The following LGR5 variants were observed in gnomAD, a reference collection of about 807,000 sequenced individuals.
LGR5 encodes the protein leucine-rich repeat-containing G protein-coupled receptor 5.
A neutral mutation model predicts 76.7 loss-of-function variants in LGR5; 54 were observed. That is an observed-to-expected ratio of 0.70 (90% CI 0.57 to 0.88). LGR5 has a LOEUF of 0.88. Ranked by LOEUF, LGR5 falls within the 40% of genes least tolerant of loss-of-function variation. The pLI is 0.00. For missense variants in LGR5, 1,078 were observed against 1,073.3 expected, an observed-to-expected ratio of 1.00 and a Z score of -0.06; for synonymous variants, 406 against 421.9, an observed-to-expected ratio of 0.96 and a Z score of 0.46.
intron 1 of LGR5, among the ~76,000 whole-genome samples, chr12:71,469,160 G>A (rs1872983541): frequency 6.6e-6 from 1 of 152,146 alleles, no homozygotes; most frequent in Admixed American, 6.5e-5. Flanking sequence ...TTTTGCCATT[G>A]GTTTTTGGCC....
At chr12:71,494,656 C>T (rs1314471137) in intron 1 of LGR5, among the ~76,000 whole-genome samples, 1 of 151,040 alleles carries the variant, frequency 6.6e-6, no homozygotes, top group Non-Finnish European at 1.5e-5. Context: ...TGCTGGTGTT[C>T]CCAGCAGAGG....
At chr12:71,534,787 A>T (rs1435726086) in intron 3 of LGR5, among the ~76,000 whole-genome samples, 5 of 152,122 alleles carry the variant, frequency 3.3e-5, no homozygotes, top group Admixed American at 1.3e-4. Context: ...TTCTCCCTGT[A>T]TTCCTTCTGG....
At position 71,507,733 on chromosome 12, in the gene LGR5, T is replaced by TTC. The variant is rs151033755; in HGVS notation, c.284+3064_284+3065dup. On this transcript the variant is annotated intron_variant, in intron 2 of 17. Transcript: ENST00000266674. Reference sequence around the variant, plus strand: ...ACAGCTAGAAATGTTAACTCTCTCTTTCTCTCTCTCTCTCTCTGGGTGTGT... The same window carrying TTC: ...ACAGCTAGAAATGTTAACTCTCTCTTTCTCTCTCTCTCTCTCTCTGGGTGTGT... 5.3e-5 allele frequency among the ~76,000 whole-genome samples: 8 copies of TTC among 150,182 alleles called. 1 individual carries two copies. The highest frequency in any genetic ancestry group is 4.2e-4 in the South Asian group (2 of 4,782).
chr12:71,547,369 C>T (rs541048007), intron 4 of LGR5, among the ~76,000 whole-genome samples: 1 of 152,228 alleles, frequency 6.6e-6, no homozygotes, highest in South Asian at 2.1e-4. Context: ...AACACCAGCC[C>T]ATATGGCAAG....
chr12:71,492,355 A>G (rs1266738098), intron 1 of LGR5, among the ~76,000 whole-genome samples: 2 of 152,220 alleles, frequency 1.3e-5, no homozygotes, highest in African/African-American at 4.8e-5. Flanking sequence ...GTAAGAAGGC[A>G]TGCTTCTCTG....
intron 4 of LGR5, among the ~76,000 whole-genome samples, chr12:71,544,287 T>C (rs1415696174): frequency 6.9e-6 from 1 of 145,836 alleles, no homozygotes; most frequent in East Asian, 2.0e-4. Flanking sequence ...TCTTTTTTTT[T>C]TCTTCGTCTT....
Position 71,526,870 on chromosome 12 carries a change from G to A in LGR5, c.356+2393G>A, listed in dbSNP as rs569951861. Among the ~76,000 whole-genome samples the A allele has an allele frequency of 1.2e-4, 19 of 152,200 alleles. No individual in the cohort carries two copies. The South Asian group carries it at 2.9e-3, about 23-fold the overall frequency. ...AATTAGCCACCCAAATAAGATGGCC[G>A]ACTGAGGGGACAATACGTACAGCAA... On this transcript the variant is annotated intron_variant, in intron 3 of 17. Transcript: ENST00000266674.
Position 71,529,525 on chromosome 12 carries a change from C to T in LGR5, c.356+5048C>T, listed in dbSNP as rs111497284. On this transcript the variant is annotated intron_variant, in intron 3 of 17. Coordinates refer to ENST00000266674, the MANE Select transcript of LGR5 (RefSeq NM_003667.4). ...TTGACATGAAATTTGGGTGGGGACA[C>T]AAAGCCAAACCATATCAGTGTCTCA... Among the ~76,000 whole-genome samples, 470 of 152,310 alleles carry T rather than the reference C, an allele frequency of 3.1e-3. 2 individuals carry two copies. Among genetic ancestry groups the T allele is most frequent in the African/African-American group, 0.01 (424 of 41,562 alleles).
At chr12:71,524,982 C>T (rs1159949024) in intron 3 of LGR5, among the ~76,000 whole-genome samples, 1 of 152,140 alleles carries the variant, frequency 6.6e-6, no homozygotes, top group Non-Finnish European at 1.5e-5. Flanking sequence ...TTTGTTAATT[C>T]ATTGAAAATT....
At chr12:71,492,718 G>T (rs1416930461) in intron 1 of LGR5, among the ~76,000 whole-genome samples, 1 of 152,036 alleles carries the variant, frequency 6.6e-6, no homozygotes, top group Non-Finnish European at 1.5e-5. Flanking sequence ...TTTTCCAATG[G>T]CCTGACTGTT....
At chr12:71,540,966 T>C in intron 4 of LGR5, among the ~76,000 whole-genome samples, 1 of 152,176 alleles carries the variant, frequency 6.6e-6, no homozygotes. Context: ...ACCGTGACTT[T>C]AGTTTGTTTT....
Position 71,556,699 on chromosome 12 carries a change from A to C in LGR5, c.716+9A>C. 2 of 1,594,450 alleles carry C rather than the reference A, an allele frequency of 1.3e-6. No individual in the cohort carries two copies. Among genetic ancestry groups the C allele is most frequent in the Non-Finnish European group, 1.7e-6 (2 of 1,162,254 alleles). ...CACAGCCTAGAGACTTTGTGAGTTG[A>C]CCTTTTATTTGTTTCCCTTTTTTCA... On this transcript the variant is annotated intron_variant, in intron 6 of 17. Transcript: ENST00000266674.
intron 1 of LGR5, among the ~76,000 whole-genome samples, chr12:71,482,374 G>A (rs994606425): frequency 4.6e-5 from 7 of 152,062 alleles, no homozygotes; most frequent in African/African-American, 1.7e-4. Context: ...TCCTCTGAAG[G>A]CTCTCTCCTT....
intron 11 of LGR5, 178 bp from the exon 12 acceptor site, chr12:71,571,336 T>C (rs1878600444): frequency 4.3e-6 from 2 of 463,554 alleles, no homozygotes; most frequent in Non-Finnish European, 3.8e-6. Flanking sequence ...AGTAAACATT[T>C]GAATCTACTG....
chr12:71,509,880 T>C (rs1340790169), intron 2 of LGR5, among the ~76,000 whole-genome samples: 1 of 152,184 alleles, frequency 6.6e-6, no homozygotes, highest in Admixed American at 6.5e-5. Context: ...TTTGCTCATA[T>C]TATGGTTGGA....
At chr12:71,479,905 T>C (rs1232898915) in intron 1 of LGR5, among the ~76,000 whole-genome samples, 5 of 152,164 alleles carry the variant, frequency 3.3e-5, no homozygotes, top group Admixed American at 3.3e-4. Context: ...TCAACCATGC[T>C]TAGGCATTTG....
At chr12:71,582,701 T>C (rs1879144679) in intron 17 of LGR5, 162 bp downstream of exon 17, 8 of 569,224 alleles carry the variant, frequency 1.4e-5, no homozygotes, top group Non-Finnish European at 6.3e-6. Context: ...GTTCATTCCC[T>C]GGAGTTGTTT....
intron 1 of LGR5, among the ~76,000 whole-genome samples, chr12:71,499,672 A>G (rs1592493300): frequency 1.3e-5 from 2 of 151,904 alleles, no homozygotes; most frequent in Admixed American, 6.6e-5. Flanking sequence ...TGGGGTCTAA[A>G]CTCTAGATCG....
chr12:71,475,392 G>T (rs1249788247), intron 1 of LGR5, among the ~76,000 whole-genome samples: 1 of 152,154 alleles, frequency 6.6e-6, no homozygotes, highest in Non-Finnish European at 1.5e-5. Context: ...TCATTTCCCT[G>T]CTTAAAGTCC....
Sources: allele counts gnomAD v4.1 joint callset (sites outside exome capture counted in the v4.1 genomes callset), GRCh38; gene constraint gnomAD v4.1.1; transcripts MANE v1.5; gene names NCBI Gene and HGNC (gene_info 2026-07-23, HGNC 2026-07-21).